Variants in MAX observed in about 807,000 individuals in gnomAD.
MAX encodes MYC associated transcriptional regulator X.
MAX carries 3 observed loss-of-function variants against 22.3 expected under a neutral mutation model. That is an observed-to-expected ratio of 0.13 (90% CI 0.06 to 0.35). The LOEUF (loss-of-function observed/expected upper bound fraction) is 0.35. Ranked by LOEUF, MAX falls within the 10% of genes least tolerant of loss-of-function variation. MAX has a pLI of 1.00. For missense variants in MAX, 119 were observed against 209.4 expected (o/e 0.57, Z 2.66); for synonymous variants, 72 against 77.7 (o/e 0.93, Z 0.39).
chr14:65,081,958 C>T (rs956877065), intron 3 of MAX: 2 of 152,196 alleles, frequency 1.3e-5, no homozygotes, highest in African/African-American at 4.8e-5. Flanking sequence ...TGCTCCAAAG[C>T]CATGGCTGCA....
chr14:65,044,729 A>C lies in MAX; in HGVS notation c.172-38445T>G. ...AGGAAGTGGGCGCTGCTTCTGCGTT[A>C]TCTGGAAGGAGCAGCCCACTCCTGT... On this transcript the variant is annotated intron_variant, in intron 3 of 3. Coordinates refer to the MAX transcript ENST00000341653. The surrounding 1 kb of genome is among the most constrained non-coding windows in gnomAD (Gnocchi z 5.5). 2.3e-6 allele frequency: 1 copy of C among 427,480 alleles called. No individual in the cohort carries two copies. The highest frequency in any genetic ancestry group is 4.1e-6 in the Non-Finnish European group (1 of 244,420). 26.5% of individuals were successfully genotyped at this position (427,480 alleles called of 1,614,324 possible).
chr14:65,053,411 C>G, intron 3 of MAX: 1 of 1,250,710 alleles, frequency 8.0e-7, no homozygotes, highest in Non-Finnish European at 1.0e-6. Context: ...GGGCGTGCAC[C>G]TCAGGCCTAC....
chr14:65,070,170 C>T (rs2062970699), downstream of MAX, among the ~76,000 whole-genome samples: 2 of 152,184 alleles, frequency 1.3e-5, no homozygotes, highest in South Asian at 4.1e-4. This position sits in a 1 kb window ranked among gnomAD's most constrained non-coding sequence, Gnocchi z 4.4. Flanking sequence ...TCATTCCATA[C>T]TCCTGGGTTC....
intron 3 of MAX, among the ~76,000 whole-genome samples, chr14:65,066,322 T>C (rs2062930204): frequency 6.6e-6 from 1 of 152,176 alleles, no homozygotes; most frequent in African/African-American, 2.4e-5. Flanking sequence ...CAGGCACATC[T>C]AACAGGTTCC....
chr14:65,071,043 T>C (rs1159638040), downstream of MAX, among the ~76,000 whole-genome samples: 1 of 152,226 alleles, frequency 6.6e-6, no homozygotes, highest in Non-Finnish European at 1.5e-5. The surrounding 1 kb of genome is among the most constrained non-coding windows in gnomAD (Gnocchi z 4.2). Flanking sequence ...ATGCAAATTT[T>C]TACTGCCTTT....
intron 3 of MAX, among the ~76,000 whole-genome samples, chr14:65,087,153 T>G (rs914238462): frequency 6.6e-6 from 1 of 152,290 alleles, no homozygotes; most frequent in African/African-American, 2.4e-5. Flanking sequence ...GGATGGAGTA[T>G]GGAAACACCT....
chr14:65,068,503 C>T lies in MAX; in HGVS notation c.171+25205G>A, dbSNP rs558571373. 4.6e-5 allele frequency among the ~76,000 whole-genome samples: 7 copies of T among 152,266 alleles called. No homozygotes were observed. In the South Asian group the frequency reaches 1.2e-3, roughly 27 times the overall value. On this transcript the variant is annotated intron_variant, in intron 3 of 3. Transcript: ENST00000341653. ...AGGCAGAGCACCTGCATAAACTACC[C>T]GGAATTCTACATGGGAGATGTTTAT...
At chr14:65,096,837 C>T (rs550494463) in intron 2 of MAX, among the ~76,000 whole-genome samples, 1 of 152,164 alleles carries the variant, frequency 6.6e-6, no homozygotes, top group Admixed American at 6.5e-5. Context: ...TTAATTAGGC[C>T]CTATTCTAGG....
rs982614137 is a variant in MAX, at chr14:65,011,129, G to A, written c.172-4845C>T. Among the ~76,000 whole-genome samples the A allele has an allele frequency of 6.6e-6, 1 of 152,106 alleles. No homozygotes were observed. The highest frequency in any genetic ancestry group is 1.5e-5 in the Non-Finnish European group (1 of 68,018). ...ATTTCTGAATTGGAAGAGTTTTTGA[G>A]GTAAAGACTACATGAAGGGCTGGGT... On this transcript the variant is annotated intron_variant, in intron 3 of 3. Transcript: ENST00000341653. This position sits in a 1 kb window ranked among gnomAD's most constrained non-coding sequence, Gnocchi z 4.0.
chr14:65,051,597 T>C (rs1018906203), intron 3 of MAX, among the ~76,000 whole-genome samples: 10 of 150,920 alleles, frequency 6.6e-5, no homozygotes, highest in Admixed American at 2.0e-4. Flanking sequence ...GGCAACAGAG[T>C]GAGACTCTGT....
In MAX at chr14:65,041,632, C is replaced by T. The variant is rs905083933; in HGVS notation, c.172-35348G>A. The stretch of plus-strand genomic sequence containing the variant: ...TCCCTGAGTTCAGATGCCAGCCTCC[C>T]GTTATGCGGCCCATCGTGAGCTTCC... On this transcript the variant is annotated intron_variant, in intron 3 of 3. Coordinates refer to the MAX transcript ENST00000341653. Among the ~76,000 whole-genome samples, 9 of 152,206 alleles carry T rather than the reference C, an allele frequency of 5.9e-5. No homozygotes were observed. The South Asian group carries it at 8.3e-4, about 14-fold the overall frequency.
rs2061956348 is a variant in MAX at position 65,025,133 on chromosome 14, C to T, written c.172-18849G>A. Among the ~76,000 whole-genome samples, 5 of 152,264 alleles carry T rather than the reference C, an allele frequency of 3.3e-5. No homozygotes were observed. The South Asian group carries it at 1.0e-3, about 32-fold the overall frequency. ...AAGCCCAACCTCCAGTTCTCTAGCA[C>T]AGCCCCAGACAGTCAGATGCAGCAT... On this transcript the variant is annotated intron_variant, in intron 3 of 3. Coordinates refer to the MAX transcript ENST00000341653.
In MAX at chr14:65,101,563, G is replaced by C. The variant is rs751344230; in HGVS notation, c.46C>G (p.Pro16Ala). Residue 16 changes from proline (P) to alanine (A), a missense_variant, in exon 2 of 5, where the codon CCG becomes GCG. Physicochemically the swap from Pro to Ala is conservative, Grantham distance 27. Coordinates refer to ENST00000358664, the MANE Select transcript of MAX (RefSeq NM_002382.5). ...AGACGTACCGCAGATTGAAACCTCGGTTGCTCTTCCTGGAATAAGAGAGAA... is the reference window on the plus strand; with the variant it reads ...AGACGTACCGCAGATTGAAACCTCGCTTGCTCTTCCTGGAATAAGAGAGAA... ...DIEVESDEEQPRFQSAADKRA... is the reference protein window; with the variant it reads ...DIEVESDEEQARFQSAADKRA... 1 of 1,608,158 alleles carries C rather than the reference G, an allele frequency of 6.2e-7. No homozygotes were observed. Among genetic ancestry groups the C allele is most frequent in the Non-Finnish European group, 8.5e-7 (1 of 1,175,558 alleles).
chr14:65,035,265 A>C (rs1397171765), intron 3 of MAX, among the ~76,000 whole-genome samples: 1 of 152,142 alleles, frequency 6.6e-6, no homozygotes, highest in Non-Finnish European at 1.5e-5. Flanking sequence ...CCAGAGAGAA[A>C]AAGTTGTGGG....
chr14:65,024,775 T>G (rs2061949402), intron 3 of MAX, among the ~76,000 whole-genome samples: 1 of 152,052 alleles, frequency 6.6e-6, no homozygotes, highest in Non-Finnish European at 1.5e-5. Context: ...CCCCCTACAT[T>G]TGTGGGAAAA....
chr14:65,085,264 C>T (rs963196907), intron 3 of MAX, among the ~76,000 whole-genome samples: 1 of 152,090 alleles, frequency 6.6e-6, no homozygotes, highest in Non-Finnish European at 1.5e-5. Context: ...ATTTAAAATG[C>T]AATTGTGACT....
At chr14:65,048,080 C>G (rs1184668104) in intron 3 of MAX, among the ~76,000 whole-genome samples, 1 of 136,042 alleles carries the variant, frequency 7.4e-6, no homozygotes, top group Non-Finnish European at 1.5e-5. Context: ...CTCCTCGGTT[C>G]AATTGATTTT....
chr14:65,046,041 G>A (rs973156595), intron 3 of MAX, among the ~76,000 whole-genome samples: 2 of 152,204 alleles, frequency 1.3e-5, no homozygotes, highest in Non-Finnish European at 2.9e-5. Flanking sequence ...AGGCCGGAGT[G>A]CAATGGATCA....
intron 3 of MAX, chr14:65,022,033 C>T (rs1389619250): frequency 1.1e-5 from 5 of 455,956 alleles, no homozygotes; most frequent in Non-Finnish European, 2.2e-5. Flanking sequence ...TCAAATAACA[C>T]GTCTGACTCT....
Sources: gnomAD v4.1 joint callset for allele counts (sites outside exome capture counted in the v4.1 genomes callset) on GRCh38, gnomAD v4.1.1 for gene constraint, Gnocchi (gnomAD v3.1) non-coding constraint, MANE v1.5 for transcripts, NCBI Gene and HGNC (gene_info 2026-07-23, HGNC 2026-07-21) for gene names.